FGFR2: variants seen among roughly 807,000 people sequenced by gnomAD.
The protein encoded by FGFR2 is fibroblast growth factor receptor 2, also known as BEK fibroblast growth factor receptor.
Under a neutral mutation model 95.9 loss-of-function variants are expected in FGFR2, and 19 were observed. That is an observed-to-expected ratio of 0.20 (90% confidence interval 0.14 to 0.29). The LOEUF is 0.29. Among genes scored for constraint, FGFR2 ranks in the 10% least tolerant of loss-of-function variants. The pLI is 1.00. For synonymous variants in FGFR2, 392 were observed against 393.3 expected, an observed-to-expected ratio of 1.00 and a Z score of 0.04; for missense variants, 707 against 1,056.9, an observed-to-expected ratio of 0.67 and a Z score of 4.59.
At chr10:121,514,656 A>G (rs1210923368) in intron 9 of FGFR2, among the ~76,000 whole-genome samples, 1 of 152,216 alleles carries the variant, frequency 6.6e-6, no homozygotes, top group Non-Finnish European at 1.5e-5. Flanking sequence ...AGGGCATAAG[A>G]TACTGATCTT....
At chr10:121,572,603 T>C (rs1287172566) in intron 2 of FGFR2, among the ~76,000 whole-genome samples, 1 of 151,840 alleles carries the variant, frequency 6.6e-6, no homozygotes, top group Non-Finnish European at 1.5e-5. Context: ...CTGGGCGACA[T>C]GAGTGAAACT....
chr10:121,564,703 G>C (rs1857427335), intron 3 of FGFR2, 124 bp from the exon 4 acceptor site: 1 of 825,062 alleles, frequency 1.2e-6, no homozygotes, highest in African/African-American at 1.7e-5. Flanking sequence ...AAAGAGCCTG[G>C]GATTGTTTTC....
At position 121,479,924 on chromosome 10, in the gene FGFR2, G is replaced by C. The variant is rs746336453; in HGVS notation, c.2399C>G (p.Pro800Arg). ...CSSGDDSVFS[P>R]DPMPYEPCLP... The stretch of plus-strand genomic sequence containing the variant: ...GCATGGTTCGTAAGGCATGGGGTCT[G>C]GAGAAAAAACAGAATCATCTCCTGA... The change falls in exon 18 of 18, where the codon CCA becomes CGA. Residue 800 changes from proline to arginine, a missense_variant. Physicochemically the swap from Pro to Arg is moderately radical, Grantham distance 103. This residue lies in a region of FGFR2 where 51 missense variants were observed against 50.2 expected (regional missense o/e 1.01). Coordinates refer to ENST00000358487, the MANE Select transcript of FGFR2 (RefSeq NM_000141.5). The C allele has an allele frequency of 1.9e-6, 3 of 1,614,108 alleles. No individual in the cohort carries two copies. The highest frequency in any genetic ancestry group is 2.5e-6 in the Non-Finnish European group (3 of 1,180,008).
chr10:121,554,628 C>T (rs1564978918), intron 4 of FGFR2, among the ~76,000 whole-genome samples: 1 of 152,008 alleles, frequency 6.6e-6, no homozygotes, highest in East Asian at 1.9e-4. Flanking sequence ...GCCTCAGCCT[C>T]CCAAAGTGCT....
intron 6 of FGFR2, among the ~76,000 whole-genome samples, chr10:121,534,694 C>T (rs1852580725): frequency 6.6e-6 from 1 of 152,134 alleles, no homozygotes. Flanking sequence ...CATGCCCAGC[C>T]CCAAAATGGC....
At chr10:121,534,714 G>T (rs1852583831) in intron 6 of FGFR2, among the ~76,000 whole-genome samples, 1 of 152,062 alleles carries the variant, frequency 6.6e-6, no homozygotes, top group African/African-American at 2.4e-5. Context: ...CATTCTGTTT[G>T]TTTAATAAGA....
At position 121,518,039 on chromosome 10, in the gene FGFR2, A is replaced by C. The variant is rs1422469080; in HGVS notation, c.940-576T>G. Reference sequence around the variant, plus strand: ...GCATTGACAAAAAGAAATGGAAGCAAGCATCATCTTGGTAACCAAAAAAAC... The same window carrying C: ...GCATTGACAAAAAGAAATGGAAGCACGCATCATCTTGGTAACCAAAAAAAC... On this transcript the variant is annotated intron_variant, in intron 7 of 17. Transcript: ENST00000358487. The surrounding 1 kb of genome is among the most constrained non-coding windows in gnomAD (Gnocchi z 4.0). The C allele has an allele frequency of 2.0e-6, 1 of 499,394 alleles. No individual in the cohort carries two copies. 30.9% of individuals were successfully genotyped at this position (499,394 alleles called of 1,614,324 possible). A position where few individuals can be genotyped will look rare whatever the true frequency, so the allele number is the denominator to read the frequency against.
chr10:121,498,702 T>C (rs1443453867), intron 11 of FGFR2, 97 bp from the exon 12 acceptor site: 12 of 1,032,864 alleles, frequency 1.2e-5, no homozygotes, highest in Non-Finnish European at 1.8e-5. Context: ...CAGCATGAAA[T>C]TGAATTTCAG....
intron 2 of FGFR2, among the ~76,000 whole-genome samples, chr10:121,577,523 C>T (rs987171420): frequency 2.0e-5 from 3 of 152,122 alleles, no homozygotes; most frequent in East Asian, 3.9e-4. Flanking sequence ...TAATTATCTT[C>T]GGTTAGCATT....
rs1235535007 is a variant in FGFR2, at chr10:121,571,357, G to A, written c.110-5653C>T. Among the ~76,000 whole-genome samples the A allele has an allele frequency of 2.1e-5, 3 of 141,158 alleles. No homozygotes were observed. In the East Asian group the frequency reaches 6.4e-4, roughly 30 times the overall value. 92.6% of individuals were successfully genotyped at this position (141,158 alleles called of 152,430 possible). ...GCTCTCTCCCAGGCTGGAGTGCAGT[G>A]GTGCGATCTCGGCTCACTGCAAGCT... On this transcript the variant is annotated intron_variant, in intron 2 of 17. Coordinates refer to ENST00000358487, the MANE Select transcript of FGFR2 (RefSeq NM_000141.5).
intron 13 of FGFR2, among the ~76,000 whole-genome samples, chr10:121,492,394 ACACT>A (rs1418151870): frequency 1.3e-5 from 2 of 151,810 alleles, no homozygotes; most frequent in Non-Finnish European, 2.9e-5. Context: ...CCCTACCCCA[ACACT>A]CACACACTCA....
chr10:121,515,046 G>A (rs1849517476), intron 9 of FGFR2, 71 bp downstream of exon 9: 1 of 1,442,514 alleles, frequency 6.9e-7, no homozygotes, highest in African/African-American at 1.4e-5. Context: ...CATCAAAGCA[G>A]AGGACAAGAT....
chr10:121,584,930 C>T (rs3104680), intron 2 of FGFR2, among the ~76,000 whole-genome samples: 806 of 74,804 alleles, frequency 0.011, no homozygotes, highest in Non-Finnish European at 0.019. Context: ...CCCTCTCCAT[C>T]CCGCACCACC....
intron 6 of FGFR2, chr10:121,526,267 G>A (rs1851352915): frequency 2.5e-6 from 1 of 398,452 alleles, no homozygotes; most frequent in Non-Finnish European, 4.4e-6. Context: ...TCTAAAGCCT[G>A]CCTAGCTTTT....
intron 13 of FGFR2, among the ~76,000 whole-genome samples, chr10:121,490,453 C>A (rs773336875): frequency 6.6e-6 from 1 of 152,166 alleles, no homozygotes; most frequent in Non-Finnish European, 1.5e-5. Flanking sequence ...CGTGAGCCAC[C>A]ACGCCCGGCC....
intron 9 of FGFR2, among the ~76,000 whole-genome samples, chr10:121,508,407 G>A (rs1314293946): frequency 1.3e-5 from 2 of 152,130 alleles, no homozygotes; most frequent in Non-Finnish European, 2.9e-5. Context: ...ATATGGCTTA[G>A]GGGTTACCTC....
intron 4 of FGFR2, among the ~76,000 whole-genome samples, chr10:121,557,655 A>C (rs1856342842): frequency 6.6e-6 from 1 of 152,146 alleles, no homozygotes; most frequent in Non-Finnish European, 1.5e-5. Flanking sequence ...ATTTCTAAAA[A>C]TTTGCAAAGC....
intron 9 of FGFR2, among the ~76,000 whole-genome samples, chr10:121,506,825 C>T (rs1437900623): frequency 6.6e-6 from 1 of 152,162 alleles, no homozygotes; most frequent in Admixed American, 6.5e-5. Flanking sequence ...TATTTCAGAA[C>T]TTTCTAGACC....
At chr10:121,565,219 G>A (rs1022226147) in intron 3 of FGFR2, among the ~76,000 whole-genome samples, 10 of 148,730 alleles carry the variant, frequency 6.7e-5, no homozygotes, top group Admixed American at 1.3e-4. Context: ...AAATAAAAGC[G>A]TACTATCTTA....
Sources: allele counts gnomAD v4.1 joint callset (sites outside exome capture counted in the v4.1 genomes callset), GRCh38; gene constraint gnomAD v4.1.1; regional missense constraint gnomAD v4.1.1; non-coding constraint Gnocchi (gnomAD v3.1); transcripts MANE v1.5; gene names NCBI Gene and HGNC (gene_info 2026-07-23, HGNC 2026-07-21).